Variants in FRMPD1 observed in about 807,000 individuals in gnomAD.
FRMPD1 encodes FERM and PDZ domain-containing protein 1.
Under a neutral mutation model 117.8 loss-of-function variants are expected in FRMPD1, and 76 were observed. That is an observed-to-expected ratio of 0.65 (90% CI 0.54 to 0.78). The LOEUF is 0.78. FRMPD1 is among the 30% of genes least tolerant of loss of function. FRMPD1 has a pLI of 0.00. For synonymous variants in FRMPD1, 783 were observed against 770.4 expected (o/e 1.02, Z -0.27); for missense variants, 1,786 against 1,964.5 (o/e 0.91, Z 1.72).
chr9:37,664,566 CGGTGTTT>C (rs2119396421), intron 1 of FRMPD1, among the ~76,000 whole-genome samples: 1 of 152,038 alleles, frequency 6.6e-6, no homozygotes, highest in Non-Finnish European at 1.5e-5. Flanking sequence ...TGAGAACATG[CGGTGTTT>C]GGTTTTCTGT....
chr9:37,641,392 A>C, the FRMPD1 span, among the ~76,000 whole-genome samples: 2 of 152,218 alleles, frequency 1.3e-5, no homozygotes, highest in Non-Finnish European at 2.9e-5. Flanking sequence ...AGCCTGTGCT[A>C]GGTGCTTTAT....
At chr9:37,664,846 A>G (rs984864050) in intron 1 of FRMPD1, among the ~76,000 whole-genome samples, 5 of 152,178 alleles carry the variant, frequency 3.3e-5, no homozygotes, top group African/African-American at 4.8e-5. Context: ...TAGTTTTCCT[A>G]CTGACCAAGG....
chr9:37,715,896 G>A (rs553308904), intron 5 of FRMPD1, among the ~76,000 whole-genome samples: 14 of 152,074 alleles, frequency 9.2e-5, no homozygotes, highest in South Asian at 2.1e-4. Context: ...CAAGTAGCTC[G>A]GAGCAAGTCC....
At chr9:37,648,841 C>T (rs572388186), upstream of FRMPD1, among the ~76,000 whole-genome samples, 6 of 152,140 alleles carry the variant, frequency 3.9e-5, no homozygotes, top group Middle Eastern at 6.8e-3. Flanking sequence ...ACCTGAGGGA[C>T]ATTTAGGCGA....
At chr9:37,616,350 C>G in the FRMPD1 span, among the ~76,000 whole-genome samples, 1 of 151,990 alleles carries the variant, frequency 6.6e-6, no homozygotes, top group Non-Finnish European at 1.5e-5. Context: ...CTCCTAACCT[C>G]AAGTGATCCA....
At position 37,745,989 on chromosome 9, in the gene FRMPD1, A is replaced by T; in HGVS notation, c.3957A>T (p.Ala1319=). ...GGGTGGCCACATCTTTGGGTTTTGC[A>T]GGCATGAATGAGATGGTGGCTCCCA... ...SLRVATSLGF[A]GMNEMVAPRI... is the part of the protein sequence containing the mutation. Residue 1319 remains alanine (A), a synonymous_variant, in exon 16 of 16, where the codon GCA becomes GCT. Coordinates refer to ENST00000377765, the MANE Select transcript of FRMPD1 (RefSeq NM_014907.3). 1 of 1,614,192 alleles carries T rather than the reference A, an allele frequency of 6.2e-7. No individual in the cohort carries two copies. The highest frequency in any genetic ancestry group is 8.5e-7 in the Non-Finnish European group (1 of 1,180,010).
chr9:37,698,113 T>TA (rs898493067), intron 2 of FRMPD1, among the ~76,000 whole-genome samples: 3 of 152,050 alleles, frequency 2.0e-5, no homozygotes, highest in Admixed American at 2.0e-4. Flanking sequence ...GACTCTGTCT[T>TA]AAAAAAAATA....
At chr9:37,717,144 A>G (rs752366459) in intron 5 of FRMPD1, among the ~76,000 whole-genome samples, 1 of 152,110 alleles carries the variant, frequency 6.6e-6, no homozygotes, top group African/African-American at 2.4e-5. Flanking sequence ...TACTATATCC[A>G]TAGAACCCTG....
chr9:37,687,980 T>C (rs1822005872), intron 1 of FRMPD1, among the ~76,000 whole-genome samples: 1 of 152,118 alleles, frequency 6.6e-6, no homozygotes, highest in South Asian at 2.1e-4. Context: ...TTAATATACA[T>C]GATATAGGTC....
rs768532382 is a variant in FRMPD1 at position 37,745,551 on chromosome 9, C to A, written c.3519C>A (p.Ile1173=). The A allele has an allele frequency of 1.2e-6, 2 of 1,614,036 alleles. No individual in the cohort carries two copies. Among genetic ancestry groups the A allele is most frequent in the Non-Finnish European group, 8.5e-7 (1 of 1,179,926 alleles). Residue 1173 remains isoleucine, a synonymous_variant, in exon 16 of 16, where the codon ATC becomes ATA. Coordinates refer to ENST00000377765, the MANE Select transcript of FRMPD1 (RefSeq NM_014907.3). The part of the protein sequence containing the change: ...LDAPVTGTEQ[I]PPHPPRDPQG... Reference sequence around the variant, plus strand: ...CTCCTGTAACAGGGACCGAGCAGATCCCACCACATCCCCCTAGAGACCCTC... The same window carrying A: ...CTCCTGTAACAGGGACCGAGCAGATACCACCACATCCCCCTAGAGACCCTC...
chr9:37,611,856 TC>T, the FRMPD1 span, among the ~76,000 whole-genome samples: 1 of 152,194 alleles, frequency 6.6e-6, no homozygotes, highest in African/African-American at 2.4e-5. Flanking sequence ...TTCCCTTTAC[TC>T]CTTATCTTAG....
chr9:37,674,258 G>T (rs974796079), intron 1 of FRMPD1, among the ~76,000 whole-genome samples: 3 of 152,258 alleles, frequency 2.0e-5, no homozygotes. Flanking sequence ...CTAGGGCAGG[G>T]GCAAAATGCT....
At chr9:37,659,051 A>G (rs763551075) in intron 1 of FRMPD1, among the ~76,000 whole-genome samples, 1 of 152,110 alleles carries the variant, frequency 6.6e-6, no homozygotes, top group Non-Finnish European at 1.5e-5. Flanking sequence ...TTTTTAGTAG[A>G]GATGAGGCCT....
chr9:37,653,961 TA>T (rs1035977196), intron 1 of FRMPD1, among the ~76,000 whole-genome samples: 1 of 151,766 alleles, frequency 6.6e-6, no homozygotes, highest in Non-Finnish European at 1.5e-5. Flanking sequence ...ACTCCATCTC[TA>T]AAAAAAAGAA....
chr9:37,686,351 A>C (rs1233295907), intron 1 of FRMPD1, among the ~76,000 whole-genome samples: 1 of 152,236 alleles, frequency 6.6e-6, no homozygotes, highest in East Asian at 1.9e-4. Flanking sequence ...GAAACTTTCT[A>C]ACAATAAGAT....
In FRMPD1 at chr9:37,740,553, CGA is replaced by C; in HGVS notation, c.2029_2030del (p.Ser677CysfsTer23). Reference sequence around the variant, plus strand: ...CCCAGTGCCAGAAGACAGAGTTTTCCGAGAGTGCTGCTTTGGAGACATTTGGC... The same window carrying C: ...CCCAGTGCCAGAAGACAGAGTTTTCCGAGTGCTGCTTTGGAGACATTTGGC... Reference protein sequence around the residue: ...NPQCQKTEFSESAALETFGWA... With the variant: ...NPQCQKTEFSXSAALETFGWA... On this transcript the variant is annotated frameshift_variant, in exon 15 of 16. Coordinates refer to ENST00000377765, the MANE Select transcript of FRMPD1 (RefSeq NM_014907.3). LOFTEE classifies it high-confidence loss of function. This position sits in a 1 kb window ranked among gnomAD's most constrained non-coding sequence, Gnocchi z 4.2. 1 of 1,614,202 alleles carries C rather than the reference CGA, an allele frequency of 6.2e-7. No homozygotes were observed. The highest frequency in any genetic ancestry group is 8.5e-7 in the Non-Finnish European group (1 of 1,180,028).
At chr9:37,640,857 A>G in the FRMPD1 span, among the ~76,000 whole-genome samples, 1 of 152,222 alleles carries the variant, frequency 6.6e-6, no homozygotes, top group Non-Finnish European at 1.5e-5. Context: ...CAATAAGTAC[A>G]TGGTTTTTCA....
the FRMPD1 span, among the ~76,000 whole-genome samples, chr9:37,614,816 A>G: frequency 1.3e-5 from 2 of 152,192 alleles, no homozygotes; most frequent in African/African-American, 4.8e-5. Flanking sequence ...CAGTTTATTA[A>G]CTCATGGTAA....
the FRMPD1 span, among the ~76,000 whole-genome samples, chr9:37,621,653 A>T: frequency 2.0e-5 from 3 of 152,188 alleles, no homozygotes; most frequent in Non-Finnish European, 4.4e-5. Flanking sequence ...TGGAACAAGG[A>T]GGAGTAGCTG....
Sources: gnomAD v4.1 joint callset for allele counts (sites outside exome capture counted in the v4.1 genomes callset) on GRCh38, gnomAD v4.1.1 for gene constraint, Gnocchi (gnomAD v3.1) non-coding constraint, MANE v1.5 for transcripts, NCBI Gene and HGNC (gene_info 2026-07-23, HGNC 2026-07-21) for gene names.